Variants in VIPAS39 observed in about 807,000 individuals in gnomAD.
The protein encoded by VIPAS39 is spermatogenesis-defective protein 39 homolog.
VIPAS39 carries 63 observed loss-of-function variants against 84.7 expected under a neutral mutation model. The observed-to-expected ratio is 0.74, with a 90% confidence interval of 0.61 to 0.92. The LOEUF (loss-of-function observed/expected upper bound fraction) is 0.92, where lower values mean the gene tolerates loss of function less well. Ranked by LOEUF, VIPAS39 falls within the 40% of genes least tolerant of loss-of-function variation. VIPAS39 has a pLI of 0.00. For synonymous variants in VIPAS39, 192 were observed against 216.5 expected (o/e 0.89, Z 0.99); for missense variants, 499 against 604.5 (o/e 0.83, Z 1.83).
intron 1 of VIPAS39, chr14:77,457,195 T>C: frequency 6.7e-7 from 1 of 1,499,940 alleles, no homozygotes; most frequent in Non-Finnish European, 8.8e-7. Context: ...AGGATGACTC[T>C]ACGGGTGAAC....
intron 16 of VIPAS39, among the ~76,000 whole-genome samples, chr14:77,431,603 C>T (rs1411701863): frequency 1.3e-5 from 2 of 152,096 alleles, no homozygotes; most frequent in Non-Finnish European, 1.5e-5. Flanking sequence ...ATGTGGAAAA[C>T]AGGCTGCAGT....
At chr14:77,450,840 A>G (rs2078870424) in intron 4 of VIPAS39, among the ~76,000 whole-genome samples, 1 of 152,144 alleles carries the variant, frequency 6.6e-6, no homozygotes, top group South Asian at 2.1e-4. Context: ...ATTTTTTTTA[A>G]AAAACCACCA....
At position 77,457,515 on chromosome 14, in the gene VIPAS39, CCT is replaced by C; in HGVS notation, c.-23_-22del. On this transcript the variant is annotated 5_prime_UTR_variant, in exon 1 of 20. Coordinates refer to ENST00000557658, the MANE Select transcript of VIPAS39 (RefSeq NM_001193315.2). ...CTCACCTCTTCCGCACAGAGCCCTC[CCT>C]CTCAGGACAGCGCCAGCCTCCGCCG... 1.1e-6 allele frequency: 1 copy of C among 950,302 alleles called. No individual in the cohort carries two copies. Among genetic ancestry groups the C allele is most frequent in the Non-Finnish European group, 1.6e-6 (1 of 638,624 alleles). The allele number at this position is 950,302 out of a possible 1,614,324, so 58.9% of individuals were successfully genotyped here.
At chr14:77,428,965 C>T (rs765685203) in intron 18 of VIPAS39, 41 bp downstream of exon 18, 6 of 1,555,046 alleles carry the variant, frequency 3.9e-6, no homozygotes, top group Non-Finnish European at 4.4e-6. Context: ...TGCTTCGCCA[C>T]TGAGGATCTA....
chr14:77,450,928 G>C (rs1421184986), intron 4 of VIPAS39, among the ~76,000 whole-genome samples: 1 of 152,182 alleles, frequency 6.6e-6, no homozygotes, highest in Non-Finnish European at 1.5e-5. Context: ...AAGGAGTAGG[G>C]AGGAATTTTG....
At chr14:77,429,985 G>A (rs748724284) in intron 16 of VIPAS39, among the ~76,000 whole-genome samples, 7 of 152,342 alleles carry the variant, frequency 4.6e-5, no homozygotes, top group Admixed American at 2.6e-4. Flanking sequence ...CTATAGAAAC[G>A]AATGCAGGGA....
chr14:77,452,779 CAA>C lies in VIPAS39; in HGVS notation c.196+518_196+519del, dbSNP rs11418833. ...TAGGCAACAGAGTAAGACTCCATCT[CAA>C]AAAAAAAAAAAAAAAAAAATCAAAT... is the stretch of plus-strand genomic sequence containing the variant. On this transcript the variant is annotated intron_variant, in intron 3 of 19. Coordinates refer to ENST00000557658, the MANE Select transcript of VIPAS39 (RefSeq NM_001193315.2). Among the ~76,000 whole-genome samples the C allele has an allele frequency of 8.4e-4, 90 of 106,814 alleles. 1 individual carries two copies. The highest frequency in any genetic ancestry group is 3.4e-3 in the South Asian group (9 of 2,640). The allele number at this position is 106,814 out of a possible 152,430, so 70.1% of individuals were successfully genotyped here.
intron 10 of VIPAS39, among the ~76,000 whole-genome samples, chr14:77,441,935 C>A (rs2078709770): frequency 6.6e-6 from 1 of 152,144 alleles, no homozygotes; most frequent in African/African-American, 2.4e-5. Context: ...AAGACCTCAG[C>A]CCTCTTTACC....
intron 1 of VIPAS39, chr14:77,457,152 T>C: frequency 6.9e-7 from 1 of 1,440,670 alleles, no homozygotes; most frequent in Non-Finnish European, 9.1e-7. Context: ...AGGTGAGGCT[T>C]GTGAACTGAG....
chr14:77,448,568 C>T lies in VIPAS39; in HGVS notation c.448-18G>A, dbSNP rs372432382. On this transcript the variant is annotated intron_variant, in intron 6 of 19. Coordinates refer to ENST00000557658, the MANE Select transcript of VIPAS39 (RefSeq NM_001193315.2). ...CTGTAATCCTGGAATATTAGCAATA[C>T]GTGAATCCCAGGAAGTTAAGGAATC... 221 of 1,613,710 alleles carry T rather than the reference C, an allele frequency of 1.4e-4. No individual in the cohort carries two copies. Among genetic ancestry groups the T allele is most frequent in the East Asian group, 2.5e-4 (11 of 44,878 alleles).
intron 3 of VIPAS39, among the ~76,000 whole-genome samples, chr14:77,452,848 CA>C (rs2078904130): frequency 1.3e-5 from 2 of 150,948 alleles, no homozygotes; most frequent in African/African-American, 2.4e-5. Flanking sequence ...TACAGCTAAG[CA>C]GTGAGACTTG....
intron 16 of VIPAS39, among the ~76,000 whole-genome samples, chr14:77,431,165 T>C (rs2078516522): frequency 6.6e-6 from 1 of 152,140 alleles, no homozygotes; most frequent in Non-Finnish European, 1.5e-5. Flanking sequence ...AGGCTCAGGC[T>C]ACAAAAGCAA....
chr14:77,445,625 G>GT (rs916357398), intron 7 of VIPAS39, among the ~76,000 whole-genome samples: 11 of 151,922 alleles, frequency 7.2e-5, no homozygotes, highest in African/African-American at 2.7e-4. Flanking sequence ...TTGCTATATT[G>GT]CCAGGTTTAA....
chr14:77,457,378 A>T, intron 1 of VIPAS39, 117 bp downstream of exon 1: 1 of 1,535,556 alleles, frequency 6.5e-7, no homozygotes, highest in African/African-American at 1.4e-5. Context: ...GAAAGAAGAG[A>T]ATCAGGCCTG....
intron 11 of VIPAS39, among the ~76,000 whole-genome samples, chr14:77,439,610 G>C (rs892685147): frequency 1.8e-4 from 28 of 152,158 alleles, no homozygotes; most frequent in African/African-American, 6.0e-4. Context: ...AACAAAGTGA[G>C]ACCCCCGTCT....
intron 16 of VIPAS39, among the ~76,000 whole-genome samples, chr14:77,431,789 C>T (rs2078527118): frequency 6.6e-6 from 1 of 152,180 alleles, no homozygotes; most frequent in Non-Finnish European, 1.5e-5. Context: ...TGCATTTCCA[C>T]ATTCATTGTA....
At chr14:77,427,764 A>C in intron 19 of VIPAS39, 128 bp from the exon 20 acceptor site, 1 of 1,253,500 alleles carries the variant, frequency 8.0e-7, no homozygotes, top group South Asian at 1.2e-5. Flanking sequence ...GAATCAGATC[A>C]GGAGGTGGGG....
In VIPAS39 at chr14:77,453,376, T is replaced by A; in HGVS notation, c.119A>T (p.Asn40Ile). 6.2e-7 allele frequency: 1 copy of A among 1,614,092 alleles called. No individual in the cohort carries two copies. The change falls in exon 3 of 20, where the codon AAC becomes ATC. Residue 40 changes from asparagine (N) to isoleucine (I), a missense_variant. Transcript: ENST00000557658. ...ATCATCCACGAAGTCTCGGAGGCTGTTCACCGCCCGCTTGGACTCCTTTAA... is the reference window on the plus strand; with the variant it reads ...ATCATCCACGAAGTCTCGGAGGCTGATCACCGCCCGCTTGGACTCCTTTAA... ...SQLKESKRAV[N>I]SLRDFVDDDD... is the part of the protein sequence containing the mutation.
chr14:77,433,969 G>GA, intron 15 of VIPAS39, 38 bp from the exon 16 acceptor site: 1 of 1,588,750 alleles, frequency 6.3e-7, no homozygotes, highest in Non-Finnish European at 8.6e-7. Context: ...AGGGGAAGTA[G>GA]AAATACATCA....
Sources: gnomAD v4.1 joint callset for allele counts (sites outside exome capture counted in the v4.1 genomes callset) on GRCh38, gnomAD v4.1.1 for gene constraint, MANE v1.5 for transcripts, NCBI Gene and HGNC (gene_info 2026-07-23, HGNC 2026-07-21) for gene names.